CADPS2: variants seen among roughly 807,000 people sequenced by gnomAD.
The protein encoded by CADPS2 is calcium-dependent secretion activator 2.
A neutral mutation model predicts 172.5 loss-of-function variants in CADPS2; 93 were observed. That is an observed-to-expected ratio of 0.54 (90% confidence interval 0.46 to 0.64). CADPS2 has a LOEUF of 0.64. CADPS2 is among the 30% of genes least tolerant of loss of function. The probability of loss-of-function intolerance (pLI) is 0.00; values close to 1 mark genes in which losing one functional copy is unlikely to be tolerated. For missense variants in CADPS2, 1,420 were observed against 1,565.9 expected, an observed-to-expected ratio of 0.91 and a Z score of 1.57; for synonymous variants, 546 against 555.2, an observed-to-expected ratio of 0.98 and a Z score of 0.23.
chr7:122,711,439 A>C (rs2088701807), intron 2 of CADPS2, among the ~76,000 whole-genome samples: 1 of 152,110 alleles, frequency 6.6e-6, no homozygotes, highest in African/African-American at 2.4e-5. Flanking sequence ...CCAATTATGT[A>C]TACCATGGTA....
intron 8 of CADPS2, among the ~76,000 whole-genome samples, chr7:122,529,055 G>C (rs2061526692): frequency 6.6e-6 from 1 of 151,986 alleles, no homozygotes; most frequent in African/African-American, 2.4e-5. Flanking sequence ...GGGAATGTTT[G>C]CGCCATCTAC....
intron 1 of CADPS2, among the ~76,000 whole-genome samples, chr7:122,870,443 A>C (rs1356213083): frequency 6.6e-6 from 1 of 152,046 alleles, no homozygotes; most frequent in Admixed American, 6.6e-5. Context: ...ACAGAGTAGA[A>C]AGATAGCCAC....
chr7:122,393,619 G>T (rs765227254), intron 20 of CADPS2, 37 bp from the exon 21 acceptor site: 1 of 1,611,122 alleles, frequency 6.2e-7, no homozygotes, highest in South Asian at 1.1e-5. Context: ...TTGTCAGAGG[G>T]ATAATATCAG....
At chr7:122,758,154 A>G (rs2093241057) in intron 1 of CADPS2, among the ~76,000 whole-genome samples, 1 of 152,210 alleles carries the variant, frequency 6.6e-6, no homozygotes, top group Non-Finnish European at 1.5e-5. Flanking sequence ...GGTTATTAAT[A>G]TACATGTATT....
chr7:122,652,838 C>T (rs1032538738), intron 3 of CADPS2, among the ~76,000 whole-genome samples: 4 of 152,064 alleles, frequency 2.6e-5, no homozygotes, highest in African/African-American at 9.7e-5. Context: ...ATAACAATAA[C>T]AATTTGTCTT....
At chr7:122,653,820 T>C (rs2079442290) in intron 3 of CADPS2, among the ~76,000 whole-genome samples, 1 of 152,220 alleles carries the variant, frequency 6.6e-6, no homozygotes, top group African/African-American at 2.4e-5. Context: ...ACTGCTCCCA[T>C]ACGAGACAAC....
intron 8 of CADPS2, among the ~76,000 whole-genome samples, chr7:122,516,491 C>T (rs983988717): frequency 1.3e-5 from 2 of 152,008 alleles, no homozygotes; most frequent in Non-Finnish European, 2.9e-5. Flanking sequence ...TGAGCTATGA[C>T]CATGCCACTG....
chr7:122,846,456 A>G (rs974266603), intron 1 of CADPS2, among the ~76,000 whole-genome samples: 4 of 152,212 alleles, frequency 2.6e-5, no homozygotes, highest in Admixed American at 6.5e-5. Flanking sequence ...GTGGTGTTAC[A>G]CAGGCAAACT....
At position 122,324,778 on chromosome 7, in the gene CADPS2, G is replaced by T. The variant is rs961263026; in HGVS notation, c.3717+699C>A. The stretch of plus-strand genomic sequence containing the variant: ...ATTTCTGTCCCAATTTTAAGAAAAG[G>T]TTAAACTTGGGGTAAATTTTGTACT... On this transcript the variant is annotated intron_variant, in intron 29 of 29. Transcript: ENST00000449022. Among the ~76,000 whole-genome samples, 18 of 152,064 alleles carry T rather than the reference G, an allele frequency of 1.2e-4. 1 individual carries two copies. Among genetic ancestry groups the T allele is most frequent in the Non-Finnish European group, 2.4e-4 (16 of 67,962 alleles).
chr7:122,417,617 C>G (rs1016529700), intron 17 of CADPS2, among the ~76,000 whole-genome samples: 1 of 152,172 alleles, frequency 6.6e-6, no homozygotes, highest in Non-Finnish European at 1.5e-5. Context: ...CAAGGAGGCT[C>G]ATGACTTTGC....
chr7:122,740,244 T>G (rs933708119), intron 1 of CADPS2, among the ~76,000 whole-genome samples: 1 of 152,160 alleles, frequency 6.6e-6, no homozygotes, highest in Non-Finnish European at 1.5e-5. Flanking sequence ...CCCAAATGAG[T>G]TGGAAATTTA....
chr7:122,833,648 G>A (rs777505351), intron 1 of CADPS2, among the ~76,000 whole-genome samples: 21 of 151,896 alleles, frequency 1.4e-4, no homozygotes, highest in Admixed American at 2.6e-4. Flanking sequence ...TGCCCACCTC[G>A]GCCTCCGAAA....
intron 25 of CADPS2, chr7:122,378,709 C>G (rs1398288275): frequency 6.6e-6 from 1 of 152,114 alleles, no homozygotes; most frequent in African/African-American, 2.4e-5. Context: ...ACCATTCTCT[C>G]TGTTCATCCT....
intron 2 of CADPS2, among the ~76,000 whole-genome samples, chr7:122,711,469 A>G (rs920176041): frequency 2.0e-5 from 3 of 152,092 alleles, no homozygotes; most frequent in Non-Finnish European, 4.4e-5. Context: ...AAACTCTAAC[A>G]TTACATCAGG....
At chr7:122,458,555 T>G (rs1370914684) in intron 14 of CADPS2, among the ~76,000 whole-genome samples, 3 of 152,208 alleles carry the variant, frequency 2.0e-5, no homozygotes, top group Non-Finnish European at 2.9e-5. Context: ...CTGAAATATG[T>G]TCTTATCTTT....
intron 29 of CADPS2, among the ~76,000 whole-genome samples, chr7:122,323,876 TATATATATATATATATATATATATATATA>T (rs2033199746): frequency 6.2e-4 from 11 of 17,778 alleles, no homozygotes; most frequent in Admixed American, 2.4e-3. Context: ...GTATATTTTA[TATATATATATATATATATATATATATATA>T]TATATATATA....
At chr7:122,741,153 A>G (rs1588912243) in intron 1 of CADPS2, among the ~76,000 whole-genome samples, 1 of 152,206 alleles carries the variant, frequency 6.6e-6, no homozygotes, top group East Asian at 1.9e-4. Flanking sequence ...CATTGCATTA[A>G]AAGAATGTAA....
At chr7:122,674,965 TGTG>T in intron 2 of CADPS2, among the ~76,000 whole-genome samples, 1 of 152,378 alleles carries the variant, frequency 6.6e-6, no homozygotes, top group South Asian at 2.1e-4. Context: ...GCTTTGTAAC[TGTG>T]GTGAAGTTTA....
intron 25 of CADPS2, among the ~76,000 whole-genome samples, chr7:122,361,640 T>C (rs1156721618): frequency 6.6e-6 from 1 of 152,162 alleles, no homozygotes; most frequent in Non-Finnish European, 1.5e-5. Context: ...GTCCATGAGA[T>C]TTTTCCTTAA....
Sources: allele counts gnomAD v4.1 joint callset (sites outside exome capture counted in the v4.1 genomes callset), GRCh38; gene constraint gnomAD v4.1.1; transcripts MANE v1.5; gene names NCBI Gene and HGNC (gene_info 2026-07-23, HGNC 2026-07-21).